The following CCNC variants were observed in gnomAD, a reference collection of about 807,000 sequenced individuals.
The protein encoded by CCNC is cyclin-C.
In CCNC, 19 loss-of-function variants were observed where a neutral mutation model predicts 50.0. The ratio of observed to expected loss-of-function variants is 0.38; its 90% CI spans 0.27 to 0.56. CCNC has a LOEUF of 0.56. Among genes scored for constraint, CCNC ranks in the 20% least tolerant of loss-of-function variants. The pLI, the probability that CCNC is intolerant of heterozygous loss-of-function variation, is 0.72. For missense variants in CCNC, 200 were observed against 327.1 expected, an observed-to-expected ratio of 0.61 and a Z score of 3.00; for synonymous variants, 93 against 103.7, an observed-to-expected ratio of 0.90 and a Z score of 0.63.
chr6:99,546,289 C>T, intron 10 of CCNC, 106 bp downstream of exon 10: 1 of 748,284 alleles, frequency 1.3e-6, no homozygotes. Flanking sequence ...ATTTTGTAAC[C>T]AATAATCTTC....
At chr6:99,550,192 C>G (rs1802233165) in intron 8 of CCNC, 26 bp downstream of exon 8, 3 of 1,480,544 alleles carry the variant, frequency 2.0e-6, no homozygotes, top group Non-Finnish European at 1.9e-6. Flanking sequence ...ACATGTTACA[C>G]TATTAATAAC....
intron 1 of CCNC, among the ~76,000 whole-genome samples, chr6:99,566,603 T>C (rs143801363): frequency 6.6e-6 from 1 of 152,300 alleles, no homozygotes; most frequent in Non-Finnish European, 1.5e-5. Context: ...AACTACACTG[T>C]GGTTTGCTAA....
intron 10 of CCNC, 128 bp downstream of exon 10, chr6:99,546,267 A>G: frequency 3.1e-6 from 2 of 654,452 alleles, no homozygotes. Context: ...TGCCCAGCCC[A>G]TGTTTCTTAA....
At chr6:99,548,423 C>T (rs951789831) in intron 9 of CCNC, among the ~76,000 whole-genome samples, 19 of 151,996 alleles carry the variant, frequency 1.3e-4, no homozygotes, top group Non-Finnish European at 4.4e-5. Context: ...TGTAAGAAGG[C>T]CAAGAAACAT....
rs1301282695 is a variant in CCNC at position 99,545,243 on chromosome 6, A to G, written c.679-13T>C. 2.8e-6 allele frequency: 4 copies of G among 1,429,588 alleles called. No homozygotes were observed. The highest frequency in any genetic ancestry group is 3.9e-6 in the Non-Finnish European group (4 of 1,014,014). 88.6% of individuals were successfully genotyped at this position (1,429,588 alleles called of 1,614,324 possible). A position where few individuals can be genotyped will look rare whatever the true frequency, so the allele number is the denominator to read the frequency against. On this transcript the variant is annotated splice_polypyrimidine_tract_variant and intron_variant, in intron 10 of 11. Transcript: ENST00000520429. ...TTATTTCCAAAATCTAGAAGAAAATATTTGAAAAGTTCTCAGTGGCAAAAA... is the reference window on the plus strand; with the variant it reads ...TTATTTCCAAAATCTAGAAGAAAATGTTTGAAAAGTTCTCAGTGGCAAAAA...
chr6:99,551,962 AC>A, intron 5 of CCNC, 67 bp from the exon 6 acceptor site: 1 of 1,147,976 alleles, frequency 8.7e-7, no homozygotes, highest in Non-Finnish European at 1.2e-6. Flanking sequence ...AATTCCTTTA[AC>A]AGAGCAGAAT....
At chr6:99,559,367 C>T (rs1802677948) in intron 4 of CCNC, among the ~76,000 whole-genome samples, 1 of 151,934 alleles carries the variant, frequency 6.6e-6, no homozygotes, top group South Asian at 2.1e-4. Flanking sequence ...TTTATTGCCT[C>T]GTAAGATTTC....
At chr6:99,562,997 A>G in intron 1 of CCNC, 49 bp from the exon 2 acceptor site, 3 of 1,142,946 alleles carry the variant, frequency 2.6e-6, no homozygotes, top group Non-Finnish European at 3.9e-6. Context: ...CAGAGGAAAC[A>G]CTCTAAGATT....
intron 1 of CCNC, 40 bp downstream of exon 1, chr6:99,568,456 C>T: frequency 6.2e-7 from 1 of 1,601,988 alleles, no homozygotes; most frequent in Non-Finnish European, 8.5e-7. Context: ...ACAGCTCCCC[C>T]AAAAACCGGC....
At chr6:99,549,212 T>A (rs1164389547) in intron 9 of CCNC, 1 of 444,302 alleles carries the variant, frequency 2.3e-6, no homozygotes, top group Non-Finnish European at 4.1e-6. Context: ...ATTAGCTGGC[T>A]TAATTCTGAA....
chr6:99,550,067 G>A, intron 8 of CCNC, 151 bp downstream of exon 8: 1 of 555,854 alleles, frequency 1.8e-6, no homozygotes, highest in Non-Finnish European at 3.2e-6. Flanking sequence ...CACCACTATA[G>A]TTATTAAAAT....
intron 1 of CCNC, chr6:99,567,133 C>A: frequency 9.3e-6 from 2 of 215,546 alleles, no homozygotes; most frequent in South Asian, 5.7e-5. Context: ...TTTTAGAATG[C>A]TATGAATAAA....
chr6:99,554,636 T>C lies in CCNC; in HGVS notation c.347-2741A>G, dbSNP rs139477699. ...TCTCTTAGTTAGCTCCTATATCCTTTTGACATATCCTCATCAATAGACGTT... is the reference window on the plus strand; with the variant it reads ...TCTCTTAGTTAGCTCCTATATCCTTCTGACATATCCTCATCAATAGACGTT... On this transcript the variant is annotated intron_variant, in intron 5 of 11. Transcript: ENST00000520429. Among the ~76,000 whole-genome samples, 663 of 152,350 alleles carry C rather than the reference T, an allele frequency of 4.4e-3. 4 individuals carry two copies. Among genetic ancestry groups the C allele is most frequent in the African/African-American group, 0.015 (644 of 41,574 alleles).
intron 1 of CCNC, among the ~76,000 whole-genome samples, chr6:99,565,834 A>G (rs1216715215): frequency 2.0e-5 from 3 of 152,038 alleles, no homozygotes; most frequent in Admixed American, 6.5e-5. Context: ...GTTAGACTGC[A>G]TTTGGTAATA....
chr6:99,559,909 G>A (rs1040303968), intron 4 of CCNC, among the ~76,000 whole-genome samples: 6 of 151,618 alleles, frequency 4.0e-5, no homozygotes, highest in African/African-American at 9.7e-5. Flanking sequence ...TAGTAGAGAC[G>A]GGGTTTTGCC....
chr6:99,553,995 C>G (rs902809419), intron 5 of CCNC, among the ~76,000 whole-genome samples: 1 of 151,956 alleles, frequency 6.6e-6, no homozygotes, highest in Non-Finnish European at 1.5e-5. Flanking sequence ...CTTTTTCTAT[C>G]CTAGGGTCTT....
chr6:99,564,868 A>G (rs984570651), intron 1 of CCNC, among the ~76,000 whole-genome samples: 1 of 152,158 alleles, frequency 6.6e-6, no homozygotes, highest in Non-Finnish European at 1.5e-5. Context: ...ATATTTTCTA[A>G]TACCCTTAAG....
chr6:99,568,687 G>T (rs1769270146), upstream of CCNC: 11 of 1,479,020 alleles, frequency 7.4e-6, no homozygotes, highest in Non-Finnish European at 9.8e-6. Context: ...TGGCCCCCTA[G>T]TCTCCTTCAC....
In CCNC at chr6:99,543,590, T is replaced by C. The variant is rs750048355; in HGVS notation, c.817A>G (p.Asn273Asp). The change falls in exon 12 of 12, where the codon AAT (asparagine) becomes GAT (aspartate). Residue 273 changes from asparagine (N) to aspartate (D), a missense_variant. Physicochemically the swap from Asn to Asp is conservative, Grantham distance 23. Coordinates refer to ENST00000520429, the MANE Select transcript of CCNC (RefSeq NM_005190.4). ...CTGTAGCTAGAGTTCTGACTTCCATTTGGACCCTGCTCTCCTTCACTGTTC... is the reference window on the plus strand; with the variant it reads ...CTGTAGCTAGAGTTCTGACTTCCATCTGGACCCTGCTCTCCTTCACTGTTC... ...PPNSEGEQGP[N>D]GSQNSSYSQS is the part of the protein sequence containing the mutation. The C allele has an allele frequency of 2.5e-6, 4 of 1,613,376 alleles. No individual in the cohort carries two copies. The highest frequency in any genetic ancestry group is 1.3e-5 in the African/African-American group (1 of 75,012).
Sources: allele counts gnomAD v4.1 joint callset (sites outside exome capture counted in the v4.1 genomes callset), GRCh38; gene constraint gnomAD v4.1.1; transcripts MANE v1.5; gene names NCBI Gene and HGNC (gene_info 2026-07-23, HGNC 2026-07-21).